Variants in RGS3 observed in about 807,000 individuals in gnomAD.
The protein encoded by RGS3 is regulator of G-protein signalling 3.
RGS3 carries 80 observed loss-of-function variants against 132.6 expected under a neutral mutation model. The ratio of observed to expected loss-of-function variants is 0.60; its 90% CI spans 0.50 to 0.73. RGS3 has a LOEUF of 0.73. RGS3 is among the 30% of genes least tolerant of loss of function. The pLI, the probability that RGS3 is intolerant of heterozygous loss-of-function variation, is 0.00. For synonymous variants in RGS3, 598 were observed against 620.6 expected, an observed-to-expected ratio of 0.96 and a Z score of 0.54; for missense variants, 1,382 against 1,530.8, an observed-to-expected ratio of 0.90 and a Z score of 1.62.
At chr9:113,498,226 C>T (rs527298526) in intron 10 of RGS3, 146 bp downstream of exon 8, 173 of 686,022 alleles carry the variant, frequency 2.5e-4, no homozygotes, top group Non-Finnish European at 4.1e-4. Context: ...TCTTGATTTT[C>T]CTGAGGTGTA....
intron 19 of RGS3, among the ~76,000 whole-genome samples, chr9:113,558,570 G>A (rs1273777170): frequency 6.6e-6 from 1 of 152,146 alleles, no homozygotes; most frequent in African/African-American, 2.4e-5. Context: ...AGCAGTGGAG[G>A]GGAGTGGTTT....
intron 7 of RGS3, among the ~76,000 whole-genome samples, chr9:113,488,171 G>A (rs984460528): frequency 2.0e-5 from 3 of 152,296 alleles, no homozygotes; most frequent in Admixed American, 6.5e-5. Context: ...GCTTAGTGGT[G>A]ATTTGGCTGT....
chr9:113,559,307 A>T (rs1026640083), intron 19 of RGS3, among the ~76,000 whole-genome samples: 2 of 152,250 alleles, frequency 1.3e-5, no homozygotes, highest in African/African-American at 4.8e-5. Context: ...TCCGGCCAGC[A>T]TGTGGCTGGT....
intron 10 of RGS3, 103 bp downstream of exon 8, chr9:113,498,183 A>T (rs1830748164): frequency 2.2e-6 from 2 of 926,506 alleles, no homozygotes; most frequent in Non-Finnish European, 3.5e-6. Flanking sequence ...GGTGCTTGAA[A>T]CTCAGCAAGT....
intron 3 of RGS3, among the ~76,000 whole-genome samples, chr9:113,471,318 T>C (rs1333361526): frequency 1.3e-5 from 2 of 151,888 alleles, no homozygotes; most frequent in African/African-American, 2.4e-5. Flanking sequence ...ACTCACTCAG[T>C]CTCTTGATCT....
rs1406163536 is a variant in RGS3 at position 113,506,849 on chromosome 9, TA to T, written c.1085+363del. On this transcript the variant is annotated intron_variant, in intron 12 of 24. Transcript: ENST00000350696. The surrounding 1 kb of genome is among the most constrained non-coding windows in gnomAD (Gnocchi z 4.7). The stretch of plus-strand genomic sequence containing the variant: ...GTTGCAAATGTTTCAATTGCACAAT[TA>T]AAAAAATATTCTTGAAAACATTGGA... Among the ~76,000 whole-genome samples the T allele has an allele frequency of 6.6e-6, 1 of 152,196 alleles. No individual in the cohort carries two copies. Among genetic ancestry groups the T allele is most frequent in the Non-Finnish European group, 1.5e-5 (1 of 68,026 alleles).
Position 113,574,034 on chromosome 9 carries a change from G to T in RGS3, c.2038-9416G>T, listed in dbSNP as rs142175243. The stretch of plus-strand genomic sequence containing the variant: ...AACTCCTAGTTTTCTTATTAAAAAT[G>T]ATACTGATCTCATAGGATTGTTGGA... On this transcript the variant is annotated intron_variant, in intron 19 of 24. Transcript: ENST00000350696. 2.0e-5 allele frequency among the ~76,000 whole-genome samples: 3 copies of T among 152,314 alleles called. No homozygotes were observed. The East Asian group carries it at 5.8e-4, about 29-fold the overall frequency.
At chr9:113,523,126 C>T in intron 17 of RGS3, 85 bp downstream of exon 15, 1 of 881,138 alleles carries the variant, frequency 1.1e-6, no homozygotes, top group South Asian at 1.3e-5. Flanking sequence ...ATCTGGCTGC[C>T]AGTCATCCGT....
chr9:113,479,597 G>C, intron 4 of RGS3, 56 bp downstream of exon 2: 1 of 1,562,208 alleles, frequency 6.4e-7, no homozygotes, highest in South Asian at 1.1e-5. Flanking sequence ...TCAGCTTGCT[G>C]CCTGGGGCTG....
At chr9:113,496,268 G>A (rs370069391) in intron 8 of RGS3, among the ~76,000 whole-genome samples, 4 of 152,304 alleles carry the variant, frequency 2.6e-5, no homozygotes, top group African/African-American at 9.6e-5. Flanking sequence ...GCTCAAGGAT[G>A]GAGTGAGCAG....
At chr9:113,552,355 C>T (rs747321595) in intron 19 of RGS3, among the ~76,000 whole-genome samples, 1 of 152,104 alleles carries the variant, frequency 6.6e-6, no homozygotes, top group African/African-American at 2.4e-5. Context: ...CTCACTCTGT[C>T]GCCCAGGCTG....
At chr9:113,518,490 G>C (rs576522459) in intron 16 of RGS3, among the ~76,000 whole-genome samples, 1 of 152,330 alleles carries the variant, frequency 6.6e-6, no homozygotes, top group African/African-American at 2.4e-5. Context: ...GGCAGTAAGG[G>C]CAGGGTCAGA....
chr9:113,540,916 A>G (rs1832875616), intron 19 of RGS3, among the ~76,000 whole-genome samples: 1 of 152,220 alleles, frequency 6.6e-6, no homozygotes, highest in African/African-American at 2.4e-5. Context: ...GCAAAGTGGC[A>G]TGCAAGAGGA....
chr9:113,569,578 T>TTTCCTTCCTTCTTTCCTTCCTTCCTTCC, intron 19 of RGS3, among the ~76,000 whole-genome samples: 1 of 88,956 alleles, frequency 1.1e-5, no homozygotes. Context: ...TCTTTCCTTC[T>TTTCCTTCCTTCTTTCCTTCCTTCCTTCC]TTCCTTCCTT....
chr9:113,454,133 CG>C (rs1829316117), intron 1 of RGS3, among the ~76,000 whole-genome samples: 1 of 152,004 alleles, frequency 6.6e-6, no homozygotes, highest in East Asian at 1.9e-4. Flanking sequence ...TGTCATTTCT[CG>C]GTTGGTTTCT....
chr9:113,523,305 A>T (rs1312046337), intron 17 of RGS3, among the ~76,000 whole-genome samples: 1 of 152,106 alleles, frequency 6.6e-6, no homozygotes, highest in Non-Finnish European at 1.5e-5. Flanking sequence ...AGAGCTTTGG[A>T]TTCAGACAGA....
chr9:113,462,752 C>G (rs968694687), intron 3 of RGS3, among the ~76,000 whole-genome samples: 5 of 152,216 alleles, frequency 3.3e-5, no homozygotes, highest in Admixed American at 3.3e-4. Context: ...ACACATAACT[C>G]TTCTCTCCAC....
At chr9:113,543,466 G>A (rs1466363740) in intron 19 of RGS3, among the ~76,000 whole-genome samples, 3 of 152,246 alleles carry the variant, frequency 2.0e-5, no homozygotes, top group Non-Finnish European at 4.4e-5. Context: ...AGTAAACGCT[G>A]CCTGAAGTGG....
At chr9:113,453,852 T>C (rs905067148) in intron 1 of RGS3, among the ~76,000 whole-genome samples, 2 of 151,418 alleles carry the variant, frequency 1.3e-5, no homozygotes, top group African/African-American at 4.8e-5. Context: ...TCTTTTTTTA[T>C]TTTTATTTTT....
Sources: gnomAD v4.1 joint callset for allele counts (sites outside exome capture counted in the v4.1 genomes callset) on GRCh38, gnomAD v4.1.1 for gene constraint, Gnocchi (gnomAD v3.1) non-coding constraint, MANE v1.5 for transcripts, NCBI Gene and HGNC (gene_info 2026-07-23, HGNC 2026-07-21) for gene names.